EHD3: variants seen among roughly 807,000 people sequenced by gnomAD.
EHD3 encodes the protein EH domain containing 3.
A neutral mutation model predicts 43.0 loss-of-function variants in EHD3; 17 were observed. That is an observed-to-expected ratio of 0.40 (90% confidence interval 0.27 to 0.59). EHD3 has a LOEUF of 0.59. Among genes scored for constraint, EHD3 ranks in the 20% least tolerant of loss-of-function variants. The probability of loss-of-function intolerance (pLI) is 0.49; values close to 1 mark genes in which losing one functional copy is unlikely to be tolerated. For synonymous variants in EHD3, 313 were observed against 289.5 expected, an observed-to-expected ratio of 1.08 and a Z score of -0.82; for missense variants, 594 against 705.6, an observed-to-expected ratio of 0.84 and a Z score of 1.79.
In EHD3 at chr2:31,235,305, G is replaced by T. The variant is rs148464366; in HGVS notation, c.227+457G>T. On this transcript the variant is annotated intron_variant, in intron 1 of 5. Transcript: ENST00000322054. The stretch of plus-strand genomic sequence containing the variant: ...CTCACATGGGGGCCTCACAGTTGCA[G>T]CTGAGTTCTGATGGGTGCGGGCCTG... Among the ~76,000 whole-genome samples the T allele has an allele frequency of 2.1e-3, 315 of 152,254 alleles. 3 individuals carry two copies. Among genetic ancestry groups the T allele is most frequent in the African/African-American group, 7.5e-3 (313 of 41,554 alleles).
At chr2:31,253,870 A>G (rs1439957117) in intron 3 of EHD3, among the ~76,000 whole-genome samples, 3 of 152,124 alleles carry the variant, frequency 2.0e-5, no homozygotes, top group Admixed American at 2.0e-4. Flanking sequence ...AAGTGGCAGG[A>G]TGTGCCCCAG....
chr2:31,240,041 T>C (rs1683390907), intron 1 of EHD3, among the ~76,000 whole-genome samples: 1 of 152,130 alleles, frequency 6.6e-6, no homozygotes. Flanking sequence ...TGGAATCCCT[T>C]CATCACATGG....
intron 3 of EHD3, among the ~76,000 whole-genome samples, chr2:31,250,994 TTTCTGCAAGAGCATGGCCTGCC>T (rs1572467100): frequency 6.6e-6 from 1 of 152,234 alleles, no homozygotes; most frequent in African/African-American, 2.4e-5. Flanking sequence ...ACCTTTGCTC[TTTCTGCAAGAGCATGGCCTGCC>T]CAGGCCAGCA....
Position 31,266,321 on chromosome 2 carries a change from G to T in EHD3, c.1225G>T (p.Val409Leu). 8.7e-6 allele frequency: 14 copies of T among 1,614,226 alleles called. No homozygotes were observed. Among genetic ancestry groups the T allele is most frequent in the African/African-American group, 1.3e-5 (1 of 75,062 alleles). ...GGAGTCACAGCGGCCCATCCAGATG[G>T]TGAAGGGCGGAGCGTTCGAGGGCAC... ...QEESQRPIQMVKGGAFEGTLH... is the reference protein window; with the variant it reads ...QEESQRPIQMLKGGAFEGTLH... The change falls in exon 6 of 6, where the codon GTG becomes TTG. Residue 409 changes from valine to leucine, a missense_variant. Val to Leu is a conservative substitution (Grantham distance 32). Around this residue, in one of 3 missense-constraint regions of EHD3, gnomAD observed 322 missense variants for 348.0 expected, o/e 0.93. Coordinates refer to ENST00000322054, the MANE Select transcript of EHD3 (RefSeq NM_014600.3). The surrounding 1 kb of genome is among the most constrained non-coding windows in gnomAD (Gnocchi z 5.1).
intron 1 of EHD3, among the ~76,000 whole-genome samples, chr2:31,239,136 C>T (rs1426902605): frequency 1.3e-5 from 2 of 152,230 alleles, no homozygotes; most frequent in Non-Finnish European, 2.9e-5. Flanking sequence ...CTCATCACCA[C>T]CCTGACATCC....
At chr2:31,254,293 C>T (rs1683695814) in intron 3 of EHD3, among the ~76,000 whole-genome samples, 1 of 152,204 alleles carries the variant, frequency 6.6e-6, no homozygotes, top group African/African-American at 2.4e-5. Flanking sequence ...CTTGGCAGGT[C>T]TGGGCTGATC....
chr2:31,260,481 C>T lies in EHD3; in HGVS notation c.503-29C>T. The T allele has an allele frequency of 1.3e-6, 2 of 1,569,566 alleles. No individual in the cohort carries two copies. Among genetic ancestry groups the T allele is most frequent in the African/African-American group, 1.3e-5 (1 of 74,226 alleles). On this transcript the variant is annotated intron_variant, in intron 3 of 5. Transcript: ENST00000322054. The surrounding 1 kb of genome is among the most constrained non-coding windows in gnomAD (Gnocchi z 4.6). ...ACCCCTACCCTATACCCCAAAGGCC[C>T]CAGCCCCTGATTGTCCCTCTGCCGG... is the stretch of plus-strand genomic sequence containing the variant.
chr2:31,266,155 T>G lies in EHD3; in HGVS notation c.1081-22T>G. 1 of 1,592,438 alleles carries G rather than the reference T, an allele frequency of 6.3e-7. No homozygotes were observed. The highest frequency in any genetic ancestry group is 1.3e-5 in the African/African-American group (1 of 74,602). On this transcript the variant is annotated intron_variant, in intron 5 of 5. Coordinates refer to ENST00000322054, the MANE Select transcript of EHD3 (RefSeq NM_014600.3). The surrounding 1 kb of genome is among the most constrained non-coding windows in gnomAD (Gnocchi z 5.1). ...CTCCTTTCATCGTATCCTATCTTCA[T>G]CCTCTCTCCTCCTCTTCCCAGGACC...
At chr2:31,245,553 A>ATATAT (rs1446415610) in intron 2 of EHD3, among the ~76,000 whole-genome samples, 7 of 35,052 alleles carry the variant, frequency 2.0e-4, no homozygotes, top group African/African-American at 6.3e-4. Flanking sequence ...ATATATATAT[A>ATATAT]TTTTTTTTTT....
intron 5 of EHD3, among the ~76,000 whole-genome samples, chr2:31,263,774 T>C (rs1683895191): frequency 6.6e-6 from 1 of 152,214 alleles, no homozygotes; most frequent in Non-Finnish European, 1.5e-5. Context: ...TGCTTCACCC[T>C]GTGTACTGGC....
rs1683961280 is a variant in EHD3, at chr2:31,266,769, C to CAT, written c.*66_*67insTA. On this transcript the variant is annotated 3_prime_UTR_variant, in exon 6 of 6. Transcript: ENST00000322054. This position sits in a 1 kb window ranked among gnomAD's most constrained non-coding sequence, Gnocchi z 5.1. ...GAGATGGGAGCGGTGACTACACACA[C>CAT]ACACACACACACACACACACACACA... 8.4e-7 allele frequency: 1 copy of CAT among 1,187,612 alleles called. No homozygotes were observed. The highest frequency in any genetic ancestry group is 1.6e-5 in the African/African-American group (1 of 63,588). The allele number at this position is 1,187,612 out of a possible 1,614,324, so 73.6% of individuals were successfully genotyped here. A position where few individuals can be genotyped will look rare whatever the true frequency, so the allele number is the denominator to read the frequency against.
Position 31,261,611 on chromosome 2 carries a change from C to G in EHD3, c.978C>G (p.Asn326Lys), listed in dbSNP as rs200189422. The G allele has an allele frequency of 4.9e-5, 79 of 1,614,094 alleles. No homozygotes were observed. The Middle Eastern group carries it at 4.9e-4, about 10-fold the overall frequency. ...TGCCCTCGGTGTTCGGGAAGGACAACAAGAAGAAGGAGCTGGTCAACAACC... is the reference window on the plus strand; with the variant it reads ...TGCCCTCGGTGTTCGGGAAGGACAAGAAGAAGAAGGAGCTGGTCAACAACC... ...KEMPSVFGKD[N>K]KKKELVNNLA... Residue 326 changes from asparagine (N) to lysine (K), a missense_variant, in exon 5 of 6, where the codon AAC becomes AAG. Transcript: ENST00000322054.
chr2:31,236,512 A>C (rs1235193675), intron 1 of EHD3, among the ~76,000 whole-genome samples: 3 of 152,212 alleles, frequency 2.0e-5, no homozygotes, highest in Non-Finnish European at 4.4e-5. Flanking sequence ...TTGCTGCCAA[A>C]GGCACTTCAG....
At chr2:31,247,232 C>A (rs911244339) in intron 2 of EHD3, among the ~76,000 whole-genome samples, 8 of 152,038 alleles carry the variant, frequency 5.3e-5, no homozygotes, top group Non-Finnish European at 8.8e-5. Context: ...TTGAGCAGGG[C>A]AGAAGGATAG....
chr2:31,247,569 A>G (rs1296181797), intron 2 of EHD3, among the ~76,000 whole-genome samples: 1 of 152,204 alleles, frequency 6.6e-6, no homozygotes, highest in Non-Finnish European at 1.5e-5. Context: ...ATGTGGCCAC[A>G]GGAGGGGCTG....
intron 3 of EHD3, among the ~76,000 whole-genome samples, chr2:31,258,843 C>T (rs983461361): frequency 3.9e-5 from 6 of 152,192 alleles, no homozygotes; most frequent in African/African-American, 1.2e-4. Context: ...AAATGCTCTG[C>T]GCCAGACCTA....
intron 3 of EHD3, among the ~76,000 whole-genome samples, chr2:31,250,079 A>G (rs542721435): frequency 3.5e-5 from 2 of 57,646 alleles, no homozygotes; most frequent in African/African-American, 1.4e-4. Flanking sequence ...TCTTTATTTC[A>G]GTTACTTTGT....
At chr2:31,262,319 T>C (rs1309588920) in intron 5 of EHD3, among the ~76,000 whole-genome samples, 1 of 152,152 alleles carries the variant, frequency 6.6e-6, no homozygotes, top group African/African-American at 2.4e-5. Context: ...GAGTGTAGCA[T>C]TCACATAGGC....
chr2:31,239,263 G>A (rs1683375293), intron 1 of EHD3, among the ~76,000 whole-genome samples: 1 of 152,196 alleles, frequency 6.6e-6, no homozygotes, highest in Non-Finnish European at 1.5e-5. Context: ...GTCCATCCTG[G>A]CAGGCATAGC....
Sources: allele counts gnomAD v4.1 joint callset (sites outside exome capture counted in the v4.1 genomes callset), GRCh38; gene constraint gnomAD v4.1.1; regional missense constraint gnomAD v4.1.1; non-coding constraint Gnocchi (gnomAD v3.1); transcripts MANE v1.5; gene names NCBI Gene and HGNC (gene_info 2026-07-23, HGNC 2026-07-21).